Variants in EPB42 observed in about 807,000 individuals in gnomAD.
EPB42 encodes erythrocyte membrane protein band 4.2.
EPB42 carries 49 observed loss-of-function variants against 76.9 expected under a neutral mutation model. The ratio of observed to expected loss-of-function variants is 0.64; its 90% confidence interval spans 0.51 to 0.81. The LOEUF is 0.81. Among genes scored for constraint, EPB42 ranks in the 30% least tolerant of loss-of-function variants. EPB42 has a pLI of 0.00. For synonymous variants in EPB42, 310 were observed against 338.4 expected (o/e 0.92, Z 0.92); for missense variants, 731 against 867.6 (o/e 0.84, Z 1.98).
rs1345034674 is a variant in EPB42, at chr15:43,215,106, G to T, written c.419C>A (p.Pro140His). The T allele has an allele frequency of 6.2e-7, 1 of 1,614,066 alleles. No individual in the cohort carries two copies. The highest frequency in any genetic ancestry group is 1.1e-5 in the South Asian group (1 of 91,072). ...AGGTCCAAACTTACCTCTATTCCAGGGGTTAAAAAGCAGTGTGAACTGACC... is the reference window on the plus strand; with the variant it reads ...AGGTCCAAACTTACCTCTATTCCAGTGGTTAAAAAGCAGTGTGAACTGACC... ...LLGQFTLLFN[P>H]WNREDAVFLK... The change falls in exon 3 of 13, where the codon CCC becomes CAC. Residue 140 changes from proline (P) to histidine (H), a missense_variant. Transcript: ENST00000441366.
chr15:43,209,226 G>T, intron 6 of EPB42, 48 bp downstream of exon 6: 1 of 1,609,936 alleles, frequency 6.2e-7, no homozygotes, highest in African/African-American at 1.3e-5. Context: ...GGGAGGCCAG[G>T]GAACAACCCA....
Position 43,206,234 on chromosome 15 carries a change from G to T in EPB42, c.1618+96C>A. The T allele has an allele frequency of 7.6e-7, 1 of 1,317,596 alleles. No individual in the cohort carries two copies. The highest frequency in any genetic ancestry group is 1.0e-6 in the Non-Finnish European group (1 of 972,024). The allele number at this position is 1,317,596 out of a possible 1,614,324, so 81.6% of individuals were successfully genotyped here. ...GCAGGGGCTCAAAGCCATCTCTAGA[G>T]ACTGCAGGGGGTGCCCTGTGGCTGC... is the stretch of plus-strand genomic sequence containing the variant. On this transcript the variant is annotated intron_variant, in intron 10 of 12. Coordinates refer to ENST00000441366, the MANE Select transcript of EPB42 (RefSeq NM_001114134.2). The surrounding 1 kb of genome is among the most constrained non-coding windows in gnomAD (Gnocchi z 4.7).
intron 10 of EPB42, among the ~76,000 whole-genome samples, chr15:43,203,694 A>AT (rs963874492): frequency 2.0e-5 from 3 of 152,056 alleles, no homozygotes; most frequent in Non-Finnish European, 2.9e-5. Flanking sequence ...GGGATGAGGT[A>AT]TCCCCCCTGC....
In EPB42 at chr15:43,208,707, G is replaced by A. The variant is rs886051167; in HGVS notation, c.901C>T (p.Arg301Cys). Residue 301 changes from arginine (R) to cysteine (C), a missense_variant, in exon 7 of 13, where the codon CGT (arginine) becomes TGT (cysteine). Coordinates refer to ENST00000441366, the MANE Select transcript of EPB42 (RefSeq NM_001114134.2). ...TFASAQGTGG[R>C]LLIDEYYNEE... Reference sequence around the variant, plus strand: ...TTATAGTATTCATCTATGAGAAGACGCCCACCGGTGCCCTGTGCTGAGGCA... The same window carrying A: ...TTATAGTATTCATCTATGAGAAGACACCCACCGGTGCCCTGTGCTGAGGCA... 5.0e-6 allele frequency: 8 copies of A among 1,614,070 alleles called. No individual in the cohort carries two copies. The highest frequency in any genetic ancestry group is 1.7e-5 in the Admixed American group (1 of 60,008).
Position 43,209,333 on chromosome 15 carries a change from C to A in EPB42, c.773G>T (p.Gly258Val), listed in dbSNP as rs1235635761. The A allele has an allele frequency of 6.2e-7, 1 of 1,613,884 alleles. No homozygotes were observed. Residue 258 changes from glycine (G) to valine (V), a missense_variant, in exon 6 of 13, where the codon GGC becomes GTC. By Grantham distance (109) the Gly-to-Val change is moderately radical. Transcript: ENST00000441366. ...SVPILRQWLT[G>V]RGRPVYDGQA... ...GCCATCATACACAGGTCGGCCTCGG[C>A]CGGTGAGCCACTGCCGCAGGATGGG...
intron 1 of EPB42, 167 bp downstream of exon 1, chr15:43,220,649 A>AAC: frequency 3.2e-4 from 125 of 388,130 alleles, no homozygotes; most frequent in South Asian, 7.8e-4. Flanking sequence ...CACCTACCAC[A>AAC]CCCCCCCCCC....
At chr15:43,200,391 G>A (rs2142258859) in intron 12 of EPB42, among the ~76,000 whole-genome samples, 1 of 152,262 alleles carries the variant, frequency 6.6e-6, no homozygotes, top group East Asian at 1.9e-4. Flanking sequence ...AACTAAGGAT[G>A]CAGTAGACAT....
intron 3 of EPB42, among the ~76,000 whole-genome samples, chr15:43,214,597 GTA>G (rs2042349184): frequency 6.6e-6 from 1 of 152,178 alleles, no homozygotes; most frequent in African/African-American, 2.4e-5. Context: ...ATTCAAAATG[GTA>G]TATTCTTTTT....
In EPB42 at chr15:43,220,909, T is replaced by G. The variant is rs1596424804; in HGVS notation, c.-84A>C. The G allele has an allele frequency of 3.8e-6, 5 of 1,305,732 alleles. No individual in the cohort carries two copies. The East Asian group carries it at 1.2e-4, about 30-fold the overall frequency. 80.9% of individuals were successfully genotyped at this position (1,305,732 alleles called of 1,614,324 possible). A position where few individuals can be genotyped will look rare whatever the true frequency, so the allele number is the denominator to read the frequency against. On this transcript the variant is annotated 5_prime_UTR_variant, in exon 1 of 13. Coordinates refer to ENST00000441366, the MANE Select transcript of EPB42 (RefSeq NM_001114134.2). ...GCTTCTGGGCTCCTTCTGGGCTTTC[T>G]GTCTTCCAGACAGAAAATATGAAGG...
intron 2 of EPB42, among the ~76,000 whole-genome samples, chr15:43,215,957 G>T (rs553366589): frequency 1.3e-5 from 2 of 152,332 alleles, no homozygotes; most frequent in Admixed American, 6.5e-5. Context: ...CTCCCAAAGC[G>T]CTGGGATTAC....
Position 43,215,160 on chromosome 15 carries a change from T to A in EPB42, c.365A>T (p.Gln122Leu). 1 of 1,614,230 alleles carries A rather than the reference T, an allele frequency of 6.2e-7. No homozygotes were observed. Among genetic ancestry groups the A allele is most frequent in the Non-Finnish European group, 8.5e-7 (1 of 1,180,046 alleles). The change falls in exon 3 of 13, where the codon CAG becomes CTG. Residue 122 changes from glutamine (Q) to leucine (L), a missense_variant. Physicochemically the swap from Gln to Leu is moderately radical, Grantham distance 113. Coordinates refer to ENST00000441366, the MANE Select transcript of EPB42 (RefSeq NM_001114134.2). Reference sequence around the variant, plus strand: ...GAGGAGTTGCTTCCTGCCTGAGACCTGCAGCAGAAGCGAGTAGTGGCCAAT... The same window carrying A: ...GAGGAGTTGCTTCCTGCCTGAGACCAGCAGCAGAAGCGAGTAGTGGCCAAT... ...AVIGHYSLLL[Q>L]VSGRKQLLLG...
intron 1 of EPB42, 153 bp downstream of exon 1, chr15:43,220,656 CCCCACAG>C: frequency 9.6e-7 from 1 of 1,038,038 alleles, no homozygotes; most frequent in South Asian, 1.3e-5. Context: ...CACACCCCCC[CCCCACAG>C]CCACCTCATT....
chr15:43,214,747 C>A (rs943809376), intron 3 of EPB42, among the ~76,000 whole-genome samples: 1 of 152,168 alleles, frequency 6.6e-6, no homozygotes, highest in African/African-American at 2.4e-5. Flanking sequence ...CCAGTTCTCA[C>A]CCCTGCACTG....
At position 43,220,912 on chromosome 15, in the gene EPB42, C is replaced by T; in HGVS notation, c.-87G>A. 7.8e-7 allele frequency: 1 copy of T among 1,289,512 alleles called. No homozygotes were observed. Among genetic ancestry groups the T allele is most frequent in the Non-Finnish European group, 1.1e-6 (1 of 897,418 alleles). 79.9% of individuals were successfully genotyped at this position (1,289,512 alleles called of 1,614,324 possible). A position where few individuals can be genotyped will look rare whatever the true frequency, so the allele number is the denominator to read the frequency against. ...TCTGGGCTCCTTCTGGGCTTTCTGT[C>T]TTCCAGACAGAAAATATGAAGGCAC... is the stretch of plus-strand genomic sequence containing the variant. On this transcript the variant is annotated 5_prime_UTR_variant, in exon 1 of 13. Transcript: ENST00000441366.
intron 12 of EPB42, among the ~76,000 whole-genome samples, chr15:43,200,858 G>A (rs1012916721): frequency 8.9e-5 from 13 of 145,422 alleles, no homozygotes; most frequent in African/African-American, 2.1e-4. Flanking sequence ...TCTTTCACCC[G>A]GGCTGGACTG....
intron 12 of EPB42, among the ~76,000 whole-genome samples, chr15:43,198,842 C>T (rs955634336): frequency 2.0e-5 from 3 of 152,156 alleles, no homozygotes; most frequent in African/African-American, 7.2e-5. Context: ...GCCCTGTGTC[C>T]CAGCCACTCC....
At position 43,206,160 on chromosome 15, in the gene EPB42, A is replaced by G. The variant is rs1596406955; in HGVS notation, c.1618+170T>C. 1.4e-6 allele frequency: 1 copy of G among 706,842 alleles called. No homozygotes were observed. The highest frequency in any genetic ancestry group is 2.7e-5 in the East Asian group (1 of 36,548). The allele number at this position is 706,842 out of a possible 1,614,324, so 43.8% of individuals were successfully genotyped here. ...CGTGTTTTTTTCCTGCTTCAGGCCC[A>G]ATAAATATGTGTTGAATGAATGAAT... On this transcript the variant is annotated intron_variant, in intron 10 of 12. Coordinates refer to ENST00000441366, the MANE Select transcript of EPB42 (RefSeq NM_001114134.2). This position sits in a 1 kb window ranked among gnomAD's most constrained non-coding sequence, Gnocchi z 4.7.
intron 12 of EPB42, 39 bp from the exon 13 acceptor site, chr15:43,197,503 G>A (rs16957485): frequency 4.2e-5 from 68 of 1,612,002 alleles, no homozygotes; most frequent in Non-Finnish European, 5.5e-5. Flanking sequence ...TTCTGTCCCA[G>A]GTTCATTGCT....
In EPB42 at chr15:43,216,479, G is replaced by T. The variant is rs190139979; in HGVS notation, c.11-26C>A. The T allele has an allele frequency of 9.2e-5, 149 of 1,611,830 alleles. No individual in the cohort carries two copies. The African/African-American group carries it at 1.9e-3, about 21-fold the overall frequency. ...CTGTTGTGGGAAAGAGAGAAGTCAC[G>T]GAAACTAAGTACATGTGACAATGTA... On this transcript the variant is annotated intron_variant, in intron 1 of 12. Transcript: ENST00000441366.
Sources: gnomAD v4.1 joint callset for allele counts (sites outside exome capture counted in the v4.1 genomes callset) on GRCh38, gnomAD v4.1.1 for gene constraint, Gnocchi (gnomAD v3.1) non-coding constraint, MANE v1.5 for transcripts, NCBI Gene and HGNC (gene_info 2026-07-23, HGNC 2026-07-21) for gene names.